TOMT: variants seen among roughly 807,000 people sequenced by gnomAD.
The protein encoded by TOMT is transmembrane O-methyltransferase.
Under a neutral mutation model 21.7 loss-of-function variants are expected in TOMT, and 23 were observed. The observed-to-expected ratio is 1.06, with a 90% CI of 0.76 to 1.50. The LOEUF is 1.50. Among genes scored for constraint, TOMT ranks in the 40% most tolerant of loss-of-function variants. The probability of loss-of-function intolerance (pLI) is 0.00; values close to 1 mark genes in which losing one functional copy is unlikely to be tolerated. For missense variants in TOMT, 331 were observed against 348.7 expected, an observed-to-expected ratio of 0.95 and a Z score of 0.41; for synonymous variants, 132 against 150.8, an observed-to-expected ratio of 0.88 and a Z score of 0.91.
chr11:72,108,402 T>C (rs1945944472), intron 2 of TOMT, among the ~76,000 whole-genome samples: 1 of 152,224 alleles, frequency 6.6e-6, no homozygotes, highest in Admixed American at 6.5e-5. Context: ...GAGCAAAGCA[T>C]GCATCCTCTG....
At chr11:72,105,942 G>C in exon 1 of TOMT, 1 of 1,543,618 alleles carries the variant, frequency 6.5e-7, no homozygotes, top group Non-Finnish European at 8.8e-7. Flanking sequence ...CCAGGGCCCA[G>C]GTAGGGACCA....
In TOMT at chr11:72,109,048, C is replaced by T. The variant is rs534644428; in HGVS notation, c.*123C>T. 74 of 808,516 alleles carry T rather than the reference C, an allele frequency of 9.2e-5. 1 individual carries two copies. In the East Asian group the frequency reaches 2.0e-3, roughly 22 times the overall value. 50.1% of individuals were successfully genotyped at this position (808,516 alleles called of 1,614,324 possible). A position where few individuals can be genotyped will look rare whatever the true frequency, so the allele number is the denominator to read the frequency against. On this transcript the variant is annotated 3_prime_UTR_variant, in exon 3 of 3. Coordinates refer to ENST00000541899, the Ensembl canonical transcript of TOMT. Reference sequence around the variant, plus strand: ...CGCTGGGCTCAGGGCTAGGGAGTCTCTCTTCCCACCTCTGACCTCTTTCAG... The same window carrying T: ...CGCTGGGCTCAGGGCTAGGGAGTCTTTCTTCCCACCTCTGACCTCTTTCAG...
At chr11:72,109,486 A>G (rs1431942801), downstream of TOMT, 2 of 386,506 alleles carry the variant, frequency 5.2e-6, no homozygotes, top group Admixed American at 6.8e-5. Context: ...CACCTAGCCA[A>G]TTAGGTGTGG....
exon 2 of TOMT, chr11:72,108,016 G>C: frequency 3.9e-6 from 6 of 1,551,686 alleles, no homozygotes; most frequent in Non-Finnish European, 5.2e-6. Flanking sequence ...CTTATTGCCC[G>C]AGCCCTGCCC....
exon 3 of TOMT, chr11:72,109,189 C>G: frequency 3.9e-6 from 2 of 511,292 alleles, no homozygotes; most frequent in Admixed American, 6.2e-5. Context: ...CGACCCAGCT[C>G]TGTCACTGAT....
chr11:72,106,422 G>T, intron 1 of TOMT: 1 of 514,206 alleles, frequency 1.9e-6, no homozygotes, highest in Non-Finnish European at 3.2e-6. Context: ...GAATGTGCTA[G>T]GTGCCAGGGA....
chr11:72,109,455 T>G (rs908730197), downstream of TOMT: 2 of 408,284 alleles, frequency 4.9e-6, no homozygotes, highest in African/African-American at 4.2e-5. Context: ...AGGGATGCCC[T>G]GGCCTTCCCT....
chr11:72,107,699 AG>A, intron 1 of TOMT: 1 of 616,644 alleles, frequency 1.6e-6, no homozygotes, highest in Non-Finnish European at 2.9e-6. Context: ...ACAGGAGCCA[AG>A]GAGTAATAAG....
chr11:72,108,171 C>T (rs1945904960), intron 2 of TOMT, 52 bp downstream of exon 2: 4 of 1,425,050 alleles, frequency 2.8e-6, no homozygotes, highest in Non-Finnish European at 3.7e-6. Flanking sequence ...GGCCTTGCCC[C>T]CAGACATCCC....
chr11:72,105,966 T>G (rs772961580), exon 1 of TOMT: 3 of 1,549,508 alleles, frequency 1.9e-6, no homozygotes, highest in South Asian at 2.4e-5. Flanking sequence ...CCCCTGCCAT[T>G]GCATTGGCCT....
chr11:72,107,150 C>G lies in TOMT; in HGVS notation c.260-773C>G, dbSNP rs139462864. On this transcript the variant is annotated intron_variant, in intron 1 of 2. Transcript: ENST00000541899. ...GGTGTGGTGGTGAGTAACTGTGGTT[C>G]CAGCTACTGGAAATGCTGAGGTGGG... 1.1e-3 allele frequency: 445 copies of G among 415,190 alleles called. 4 individuals carry two copies. The East Asian group carries it at 0.015, about 14-fold the overall frequency. 25.7% of individuals were successfully genotyped at this position (415,190 alleles called of 1,614,324 possible). A position where few individuals can be genotyped will look rare whatever the true frequency, so the allele number is the denominator to read the frequency against.
At chr11:72,108,758 G>T in exon 3 of TOMT, 1 of 1,550,480 alleles carries the variant, frequency 6.4e-7, no homozygotes, top group Non-Finnish European at 8.7e-7. Context: ...ACTGCCAGCA[G>T]GTGCCACCGT....
At chr11:72,109,426 G>C (rs1591195600), downstream of TOMT, 1 of 452,016 alleles carries the variant, frequency 2.2e-6, no homozygotes, top group East Asian at 6.9e-5. Flanking sequence ...AAATGGCACA[G>C]AACCCTGGAC....
chr11:72,108,825 G>T (rs1360253854), exon 3 of TOMT: 1 of 1,550,576 alleles, frequency 6.4e-7, no homozygotes, highest in South Asian at 1.2e-5. Context: ...TATGCTAAGA[G>T]CTGTGGCCGC....
rs1945861842 is a variant in TOMT at position 72,107,955 on chromosome 11, G to T, written c.292G>T (p.Ala98Ser). ...CCTGATGCGGCTGGTGGAGGAGAAG[G>T]CCCCTGCTTGTGTGCTGGAATTGGG... Residue 98 changes from alanine to serine, a missense_variant, in exon 2 of 3, where the codon GCC becomes TCC. Physicochemically the swap from Ala to Ser is moderately conservative, Grantham distance 99 (BLOSUM62 1). Coordinates refer to ENST00000541899, the Ensembl canonical transcript of TOMT. 1 of 1,551,566 alleles carries T rather than the reference G, an allele frequency of 6.4e-7. No homozygotes were observed. Among genetic ancestry groups the T allele is most frequent in the Admixed American group, 2.0e-5 (1 of 50,986 alleles).
At chr11:72,107,506 CAT>C (rs1945798879) in intron 1 of TOMT, 1 of 702,830 alleles carries the variant, frequency 1.4e-6, no homozygotes, top group Non-Finnish European at 2.6e-6. Flanking sequence ...CACATATACA[CAT>C]GTGGCATGAA....
At chr11:72,106,128 C>G (rs886048629) in exon 1 of TOMT, 1 of 1,544,928 alleles carries the variant, frequency 6.5e-7, no homozygotes, top group Non-Finnish European at 8.7e-7. Context: ...ATGCCCTGCC[C>G]GGTGACCCTG....
At chr11:72,106,393 GC>G in intron 1 of TOMT, 183 bp downstream of exon 1, 1 of 627,304 alleles carries the variant, frequency 1.6e-6, no homozygotes, top group Non-Finnish European at 2.5e-6. Context: ...AACATTTATT[GC>G]CACCTCTTTT....
chr11:72,107,188 G>A, intron 1 of TOMT: 1 of 494,462 alleles, frequency 2.0e-6, no homozygotes, highest in Non-Finnish European at 3.6e-6. Context: ...GATTGCCTGA[G>A]CCTGGGTGGT....
Sources: gnomAD v4.1 joint callset for allele counts (sites outside exome capture counted in the v4.1 genomes callset) on GRCh38, gnomAD v4.1.1 for gene constraint, MANE v1.5 for transcripts, NCBI Gene and HGNC (gene_info 2026-07-23, HGNC 2026-07-21) for gene names.